ROBO2: variants seen among roughly 807,000 people sequenced by gnomAD.
ROBO2 encodes roundabout homolog 2.
A neutral mutation model predicts 160.8 loss-of-function variants in ROBO2; 53 were observed. The ratio of observed to expected loss-of-function variants is 0.33; its 90% confidence interval spans 0.26 to 0.41. The LOEUF is 0.41. Among genes scored for constraint, ROBO2 ranks in the 10% least tolerant of loss-of-function variants. The pLI is 1.00. For synonymous variants in ROBO2, 664 were observed against 611.7 expected (o/e 1.09, Z -1.26); for missense variants, 1,577 against 1,722.4 (o/e 0.92, Z 1.49).
intron 2 of ROBO2, among the ~76,000 whole-genome samples, chr3:76,336,566 A>G (rs904699591): frequency 9.9e-5 from 15 of 152,206 alleles, no homozygotes; most frequent in African/African-American, 3.4e-4. Context: ...CTAATTCACA[A>G]TGTTTCTGCT....
intron 2 of ROBO2, among the ~76,000 whole-genome samples, chr3:76,920,203 T>G (rs2076572397): frequency 6.6e-6 from 1 of 152,092 alleles, no homozygotes; most frequent in South Asian, 2.1e-4. Flanking sequence ...AAAACCAACT[T>G]AACCTAAAGT....
chr3:76,085,898 A>C (rs1186528260), intron 2 of ROBO2, among the ~76,000 whole-genome samples: 2 of 152,174 alleles, frequency 1.3e-5, no homozygotes, highest in African/African-American at 4.8e-5. Context: ...TATTGGATAA[A>C]AATCTCTCAA....
intron 2 of ROBO2, among the ~76,000 whole-genome samples, chr3:75,995,664 A>C (rs2065706823): frequency 6.6e-6 from 1 of 152,006 alleles, no homozygotes; most frequent in African/African-American, 2.4e-5. Context: ...AGACCCCAGA[A>C]TGGTAGATCC....
At chr3:76,045,370 G>T (rs2067414772) in intron 2 of ROBO2, among the ~76,000 whole-genome samples, 1 of 151,962 alleles carries the variant, frequency 6.6e-6, no homozygotes, top group African/African-American at 2.4e-5. Flanking sequence ...GACATGAGCT[G>T]GGAGCACAGA....
At chr3:77,227,961 T>G (rs2086687516) in intron 2 of ROBO2, among the ~76,000 whole-genome samples, 1 of 152,190 alleles carries the variant, frequency 6.6e-6, no homozygotes, top group South Asian at 2.1e-4. Context: ...ATATTGCAGA[T>G]GTTTATGGGT....
At chr3:76,008,260 G>GA (rs1385217208) in intron 2 of ROBO2, among the ~76,000 whole-genome samples, 4 of 135,686 alleles carry the variant, frequency 2.9e-5, no homozygotes, top group Admixed American at 7.3e-5. Flanking sequence ...AAAAAGAAAA[G>GA]AAAAAAAAAT....
intron 2 of ROBO2, among the ~76,000 whole-genome samples, chr3:76,916,716 G>A (rs1009340079): frequency 6.6e-6 from 1 of 151,904 alleles, no homozygotes; most frequent in African/African-American, 2.4e-5. Flanking sequence ...AATAAAAGGA[G>A]TAAAATCATC....
At chr3:76,569,647 G>T (rs2084838499) in intron 2 of ROBO2, among the ~76,000 whole-genome samples, 1 of 152,102 alleles carries the variant, frequency 6.6e-6, no homozygotes, top group African/African-American at 2.4e-5. Context: ...CTCAAAATGG[G>T]CCTTGTGATG....
rs182558901 is a variant in ROBO2, at chr3:76,563,122, G to A, written c.110-534892G>A. On this transcript the variant is annotated intron_variant, in intron 2 of 26. Coordinates refer to the ROBO2 transcript ENST00000487694. ...ACTGAAGGATTTTTTTTTTTATGAT[G>A]CTGTTCTGAATACCTTGAAAAATTG... 8.6e-4 allele frequency among the ~76,000 whole-genome samples: 131 copies of A among 151,820 alleles called. 1 individual carries two copies. Among genetic ancestry groups the A allele is most frequent in the East Asian group, 9.7e-4 (5 of 5,160 alleles).
chr3:75,973,499 G>A (rs1296481953), intron 2 of ROBO2, among the ~76,000 whole-genome samples: 1 of 151,574 alleles, frequency 6.6e-6, no homozygotes. Flanking sequence ...ACTAAGTGAT[G>A]GAAGGAGCAA....
At chr3:76,447,629 C>T (rs2077256506) in intron 2 of ROBO2, among the ~76,000 whole-genome samples, 1 of 150,456 alleles carries the variant, frequency 6.6e-6, no homozygotes, top group Admixed American at 6.7e-5. Flanking sequence ...ATAGCAAAGA[C>T]TTGGAACCAG....
chr3:76,398,048 C>A (rs1295218329), intron 2 of ROBO2, among the ~76,000 whole-genome samples: 1 of 152,026 alleles, frequency 6.6e-6, no homozygotes, highest in Admixed American at 6.6e-5. Flanking sequence ...TGGCACTATT[C>A]ACAATAGCAA....
intron 2 of ROBO2, among the ~76,000 whole-genome samples, chr3:76,307,786 T>G (rs1370890242): frequency 6.6e-6 from 1 of 152,094 alleles, no homozygotes; most frequent in Non-Finnish European, 1.5e-5. Flanking sequence ...GTATGAATAA[T>G]AAATGACTCA....
At chr3:76,965,785 G>GTGTATA (rs1424338840) in intron 2 of ROBO2, among the ~76,000 whole-genome samples, 71 of 129,206 alleles carry the variant, frequency 5.5e-4, no homozygotes, top group African/African-American at 2.2e-3. Context: ...TTGTGTTTGT[G>GTGTATA]TATATATATA....
chr3:77,636,460 C>T (rs1357135362), intron 24 of ROBO2, among the ~76,000 whole-genome samples: 3 of 152,024 alleles, frequency 2.0e-5, no homozygotes, highest in African/African-American at 7.2e-5. Context: ...GGCGTGGTTG[C>T]ACGTGCCTGT....
intron 2 of ROBO2, among the ~76,000 whole-genome samples, chr3:76,308,553 A>C (rs1163706858): frequency 6.6e-6 from 1 of 152,140 alleles, no homozygotes; most frequent in African/African-American, 2.4e-5. Context: ...TTCTAAACTC[A>C]TACTTTCACA....
intron 2 of ROBO2, among the ~76,000 whole-genome samples, chr3:76,087,607 G>A (rs1407550021): frequency 6.6e-6 from 1 of 151,958 alleles, no homozygotes; most frequent in Non-Finnish European, 1.5e-5. Flanking sequence ...AAAGGAATAA[G>A]TGAAGATAAA....
chr3:76,408,267 G>A (rs994966309), intron 2 of ROBO2, among the ~76,000 whole-genome samples: 2 of 152,036 alleles, frequency 1.3e-5, no homozygotes, highest in Non-Finnish European at 2.9e-5. Flanking sequence ...AGAAAGGTGG[G>A]CTCAGTTGGC....
intron 2 of ROBO2, among the ~76,000 whole-genome samples, chr3:76,325,085 A>G (rs572977169): frequency 6.6e-6 from 1 of 152,268 alleles, no homozygotes; most frequent in Non-Finnish European, 1.5e-5. Context: ...AGCCTGCGTG[A>G]CAGAGCGAGA....
Sources: gnomAD v4.1 joint callset for allele counts (sites outside exome capture counted in the v4.1 genomes callset) on GRCh38, gnomAD v4.1.1 for gene constraint, MANE v1.5 for transcripts, NCBI Gene and HGNC (gene_info 2026-07-23, HGNC 2026-07-21) for gene names.